Variants in SYT7 observed in about 807,000 individuals in gnomAD.
SYT7 encodes the protein synaptotagmin-7.
SYT7 carries 29 observed loss-of-function variants against 75.1 expected under a neutral mutation model. The ratio of observed to expected loss-of-function variants is 0.39; its 90% CI spans 0.29 to 0.53. SYT7 has a LOEUF of 0.53. SYT7 is among the 20% of genes least tolerant of loss of function. SYT7 has a pLI of 0.77. For synonymous variants in SYT7, 376 were observed against 401.7 expected, an observed-to-expected ratio of 0.94 and a Z score of 0.76; for missense variants, 693 against 953.2, an observed-to-expected ratio of 0.73 and a Z score of 3.59.
rs764492263 is a variant in SYT7 at position 61,523,165 on chromosome 11, G to A, written c.1866C>T (p.Phe622=). Residue 622 remains phenylalanine (F), a synonymous_variant, in exon 12 of 13, where the codon TTC becomes TTT. Coordinates refer to ENST00000539008, the MANE Select transcript of SYT7 (RefSeq NM_001365809.2). The surrounding 1 kb of genome is among the most constrained non-coding windows in gnomAD (Gnocchi z 5.0). ...CCCTCAGCTTCTCCGTGGGGATATC[G>A]AAGGCGAAGGACTCATTGAAGATGG... The part of the protein sequence containing the change: ...LNPIFNESFA[F]DIPTEKLRET... The A allele has an allele frequency of 6.2e-6, 10 of 1,614,048 alleles. No individual in the cohort carries two copies. The highest frequency in any genetic ancestry group is 7.6e-6 in the Non-Finnish European group (9 of 1,180,042).
In SYT7 at chr11:61,514,661, G is replaced by T. The variant is rs1390422387; in HGVS notation, c.*3966C>A. 6.6e-6 allele frequency among the ~76,000 whole-genome samples: 1 copy of T among 152,198 alleles called. No homozygotes were observed. Among genetic ancestry groups the T allele is most frequent in the African/African-American group, 2.4e-5 (1 of 41,442 alleles). On this transcript the variant is annotated 3_prime_UTR_variant, in exon 13 of 13. Coordinates refer to ENST00000539008, the MANE Select transcript of SYT7 (RefSeq NM_001365809.2). ...GCTTTGTTGTGGCCAGAAGAAACAG[G>T]TGGAAGGAAAGAGCTTGCCCAGGGC...
intron 12 of SYT7, among the ~76,000 whole-genome samples, chr11:61,522,486 G>A (rs967126604): frequency 3.3e-5 from 5 of 152,096 alleles, no homozygotes; most frequent in Admixed American, 6.6e-5. Context: ...CACTGTGCCC[G>A]GCCAACTTTC....
At chr11:61,554,429 C>T (rs775879600) in intron 2 of SYT7, among the ~76,000 whole-genome samples, 2 of 152,032 alleles carry the variant, frequency 1.3e-5, no homozygotes, top group Non-Finnish European at 2.9e-5. Context: ...GGTGAACGGA[C>T]ACGCACAGAC....
chr11:61,554,149 T>C (rs2063427110), intron 2 of SYT7, among the ~76,000 whole-genome samples: 1 of 152,076 alleles, frequency 6.6e-6, no homozygotes, highest in Non-Finnish European at 1.5e-5. Flanking sequence ...GTCCTTCCTG[T>C]GCTGACAGCC....
intron 5 of SYT7, among the ~76,000 whole-genome samples, chr11:61,544,729 C>T (rs545007809): frequency 1.3e-4 from 20 of 152,272 alleles, no homozygotes; most frequent in Admixed American, 7.8e-4. Flanking sequence ...GAGGCCTAAC[C>T]GGCCTGGAGA....
At chr11:61,533,268 G>C in intron 7 of SYT7, 144 bp from the exon 8 acceptor site, 1 of 1,418,860 alleles carries the variant, frequency 7.0e-7, no homozygotes, top group Non-Finnish European at 9.2e-7. Flanking sequence ...TCCAGTCCAC[G>C]TGGACACCTG....
At position 61,580,221 on chromosome 11, in the gene SYT7, C is replaced by A. The variant is rs1033438310; in HGVS notation, c.31+569G>T. Among the ~76,000 whole-genome samples the A allele has an allele frequency of 2.0e-5, 3 of 151,960 alleles. No homozygotes were observed. Among genetic ancestry groups the A allele is most frequent in the African/African-American group, 7.3e-5 (3 of 41,366 alleles). On this transcript the variant is annotated intron_variant, in intron 1 of 12. Transcript: ENST00000539008. This position sits in a 1 kb window ranked among gnomAD's most constrained non-coding sequence, Gnocchi z 6.1. ...CCTGCTCTCTTTCCCTTCAGGCACC[C>A]CCGTCTCACCCATCAACGCCCCTGC...
chr11:61,532,926 T>C, intron 8 of SYT7, 63 bp downstream of exon 8: 1 of 1,596,908 alleles, frequency 6.3e-7, no homozygotes, highest in Non-Finnish European at 8.5e-7. Context: ...CACATCCCTC[T>C]TCTTCCTGCC....
intron 1 of SYT7, among the ~76,000 whole-genome samples, chr11:61,557,400 C>T (rs1275129436): frequency 6.6e-6 from 1 of 152,206 alleles, no homozygotes; most frequent in Non-Finnish European, 1.5e-5. Context: ...TGCCTTTCTT[C>T]CTCTCCCAGT....
chr11:61,564,617 T>C (rs1228502204), intron 1 of SYT7, among the ~76,000 whole-genome samples: 1 of 152,178 alleles, frequency 6.6e-6, no homozygotes, highest in Non-Finnish European at 1.5e-5. Flanking sequence ...GCTCTTACTC[T>C]TGTTCCACCC....
chr11:61,524,174 G>A lies in SYT7; in HGVS notation c.1641+189C>T, dbSNP rs2135066608. On this transcript the variant is annotated intron_variant, in intron 10 of 12. Transcript: ENST00000539008. The surrounding 1 kb of genome is among the most constrained non-coding windows in gnomAD (Gnocchi z 4.1). ...GCCCTAGGTTCCTTCTTACAGATCG[G>A]GTGAGTCCCCCCAAGTGCCAAGCAC... Among the ~76,000 whole-genome samples, 1 of 152,292 alleles carries A rather than the reference G, an allele frequency of 6.6e-6. No individual in the cohort carries two copies. Among genetic ancestry groups the A allele is most frequent in the Non-Finnish European group, 1.5e-5 (1 of 68,006 alleles).
At chr11:61,533,190 G>A in intron 7 of SYT7, 66 bp from the exon 8 acceptor site, 1 of 1,497,690 alleles carries the variant, frequency 6.7e-7, no homozygotes, top group Non-Finnish European at 8.9e-7. Flanking sequence ...CCCCGGCCTG[G>A]GGGGTGGCAG....
chr11:61,557,701 C>T (rs2063534143), intron 1 of SYT7, among the ~76,000 whole-genome samples: 2 of 152,222 alleles, frequency 1.3e-5, no homozygotes, highest in South Asian at 2.1e-4. Context: ...CTCAACCCCC[C>T]GGAAGCCCCT....
chr11:61,581,081 C>T (rs1015003931), upstream of SYT7: 167 of 381,476 alleles, frequency 4.4e-4, 2 homozygotes, highest in Non-Finnish European at 3.5e-4. Context: ...GTGTGCGCGC[C>T]GGAGCGTGTG....
At chr11:61,531,427 A>G (rs954253576) in intron 8 of SYT7, among the ~76,000 whole-genome samples, 21 of 152,182 alleles carry the variant, frequency 1.4e-4, no homozygotes, top group Non-Finnish European at 2.8e-4. Context: ...TGGCCCATCC[A>G]GAAGAGAAGA....
intron 12 of SYT7, among the ~76,000 whole-genome samples, chr11:61,521,837 T>C (rs979308362): frequency 6.6e-6 from 1 of 152,256 alleles, no homozygotes; most frequent in African/African-American, 2.4e-5. Flanking sequence ...TGGATATACA[T>C]GCCCCTTTAT....
At position 61,551,450 on chromosome 11, in the gene SYT7, T is replaced by C. The variant is rs1342373598; in HGVS notation, c.149A>G (p.Lys50Arg). 1 of 1,613,826 alleles carries C rather than the reference T, an allele frequency of 6.2e-7. No individual in the cohort carries two copies. Among genetic ancestry groups the C allele is most frequent in the Non-Finnish European group, 8.5e-7 (1 of 1,179,932 alleles). Residue 50 changes from lysine to arginine, a missense_variant, in exon 3 of 13, where the codon AAG becomes AGG. Around this residue, in one of 2 missense-constraint regions of SYT7, gnomAD observed 487 missense variants for 593.2 expected, o/e 0.82. Transcript: ENST00000539008. The surrounding 1 kb of genome is among the most constrained non-coding windows in gnomAD (Gnocchi z 5.3). Reference sequence around the variant, plus strand: ...CGTGCCCACCGTCTCCAAGGAATTCTTGTAGCGTTTGCCCTGTGGAGATAG... The same window carrying C: ...CGTGCCCACCGTCTCCAAGGAATTCCTGTAGCGTTTGCCCTGTGGAGATAG... The part of the protein sequence containing the change: ...WCQRKLGKRY[K>R]NSLETVGTPD...
At position 61,542,523 on chromosome 11, in the gene SYT7, G is replaced by C; in HGVS notation, c.629C>G (p.Thr210Arg). 1 of 1,531,234 alleles carries C rather than the reference G, an allele frequency of 6.5e-7. No individual in the cohort carries two copies. The highest frequency in any genetic ancestry group is 8.7e-7 in the Non-Finnish European group (1 of 1,144,674). 94.9% of individuals were successfully genotyped at this position (1,531,234 alleles called of 1,614,324 possible). A position where few individuals can be genotyped will look rare whatever the true frequency, so the allele number is the denominator to read the frequency against. Residue 210 changes from threonine to arginine, a missense_variant, in exon 6 of 13, where the codon ACG (threonine) becomes AGG (arginine). This residue lies in a region of SYT7 where 487 missense variants were observed against 593.2 expected (regional missense o/e 0.82). Coordinates refer to ENST00000539008, the MANE Select transcript of SYT7 (RefSeq NM_001365809.2). The surrounding 1 kb of genome is among the most constrained non-coding windows in gnomAD (Gnocchi z 7.8). ...ATTLESIPSS[T>R]GEPKCQRPRT... ...GGGTCGCTGGCATTTCGGCTCTCCC[G>C]TGGAGCTGGGGATAGACTCAAGGGT...
Position 61,533,092 on chromosome 11 carries a change from G to A in SYT7, c.1097C>T (p.Ala366Val). The stretch of plus-strand genomic sequence containing the variant: ...GTGGGGTGTCTGGCCTGGCACGGGG[G>A]CTGTGTTCACCGCCTTCCCTCCTGC... Reference protein sequence around the residue: ...LPAGGKAVNTAPVPGQTPHDE... With the variant: ...LPAGGKAVNTVPVPGQTPHDE... The change falls in exon 8 of 13, where the codon GCC (alanine) becomes GTC (valine). Residue 366 changes from alanine (A) to valine (V), a missense_variant. This residue lies in a region of SYT7 where 487 missense variants were observed against 593.2 expected (regional missense o/e 0.82). Transcript: ENST00000539008. 6.2e-7 allele frequency: 1 copy of A among 1,608,862 alleles called. No homozygotes were observed. The highest frequency in any genetic ancestry group is 1.1e-5 in the South Asian group (1 of 90,828).
Sources: gnomAD v4.1 joint callset for allele counts (sites outside exome capture counted in the v4.1 genomes callset) on GRCh38, gnomAD v4.1.1 for gene constraint, gnomAD v4.1.1 regional missense constraint, Gnocchi (gnomAD v3.1) non-coding constraint, MANE v1.5 for transcripts, NCBI Gene and HGNC (gene_info 2026-07-23, HGNC 2026-07-21) for gene names.